ATP2C1: variants seen among roughly 807,000 people sequenced by gnomAD.
The protein encoded by ATP2C1 is calcium-transporting ATPase type 2C member 1.
Under a neutral mutation model 120.5 loss-of-function variants are expected in ATP2C1, and 31 were observed. That is an observed-to-expected ratio of 0.26 (90% CI 0.19 to 0.35). ATP2C1 has a LOEUF of 0.35. ATP2C1 is among the 10% of genes least tolerant of loss of function. ATP2C1 has a pLI of 1.00. For missense variants in ATP2C1, 731 were observed against 1,107.5 expected (o/e 0.66, Z 4.83); for synonymous variants, 351 against 358.7 (o/e 0.98, Z 0.24).
intron 1 of ATP2C1, among the ~76,000 whole-genome samples, chr3:130,859,386 C>A (rs552112215): frequency 2.0e-5 from 3 of 152,306 alleles, no homozygotes; most frequent in African/African-American, 7.2e-5. Context: ...CTTTTCTAAG[C>A]CTAATCGACC....
At chr3:130,895,801 G>A (rs565394609) in intron 2 of ATP2C1, among the ~76,000 whole-genome samples, 1 of 152,292 alleles carries the variant, frequency 6.6e-6, no homozygotes, top group East Asian at 1.9e-4. Context: ...GCAGTAATGT[G>A]TTTTGCTCTC....
intron 20 of ATP2C1, among the ~76,000 whole-genome samples, chr3:130,984,994 A>ATT: frequency 6.6e-6 from 1 of 152,322 alleles, no homozygotes; most frequent in East Asian, 1.9e-4. Flanking sequence ...GAAATGCATA[A>ATT]ACACCTATCA....
chr3:130,985,028 C>T (rs904976063), intron 20 of ATP2C1, among the ~76,000 whole-genome samples: 1 of 151,986 alleles, frequency 6.6e-6, no homozygotes, highest in African/African-American at 2.4e-5. Flanking sequence ...TTGTGTGCAC[C>T]CCACTTTATA....
At position 130,871,904 on chromosome 3, in the gene ATP2C1, C is replaced by T. The variant is rs141512727; in HGVS notation, c.108+20976C>T. Among the ~76,000 whole-genome samples the T allele has an allele frequency of 7.7e-3, 1,170 of 152,042 alleles. 25 individuals are homozygous for T. Among genetic ancestry groups the T allele is most frequent in the African/African-American group, 0.026 (1,079 of 41,450 alleles). ...AGGCGTGCTGGCGCGTGCCTATAACCCCTGTTACTCTGGAGGCTGGGGCTG... is the reference window on the plus strand; with the variant it reads ...AGGCGTGCTGGCGCGTGCCTATAACTCCTGTTACTCTGGAGGCTGGGGCTG... On this transcript the variant is annotated intron_variant, in intron 1 of 26. Transcript: ENST00000504381.
chr3:130,889,809 C>T (rs751961540), upstream of ATP2C1, among the ~76,000 whole-genome samples: 2 of 151,966 alleles, frequency 1.3e-5, no homozygotes, highest in Non-Finnish European at 2.9e-5. Flanking sequence ...CTGCACCCAG[C>T]TAATGCTTTT....
rs2069369744 is a variant in ATP2C1, at chr3:130,894,233, C to T, written c.-285C>T. 1 of 985,406 alleles carries T rather than the reference C, an allele frequency of 1.0e-6. No individual in the cohort carries two copies. The highest frequency in any genetic ancestry group is 6.1e-5 in the Admixed American group (1 of 16,334). 61.0% of individuals were successfully genotyped at this position (985,406 alleles called of 1,614,324 possible). On this transcript the variant is annotated 5_prime_UTR_variant, in exon 1 of 28. Coordinates refer to ENST00000510168, the MANE Select transcript of ATP2C1 (RefSeq NM_001378687.1). This position sits in a 1 kb window ranked among gnomAD's most constrained non-coding sequence, Gnocchi z 4.5. ...CCGGGAGCAGGCTCCCGCCTCGCAC[C>T]GCTGCCCCGCGAGCAGCTCCTCTTC... is the stretch of plus-strand genomic sequence containing the variant.
chr3:130,962,680 A>C (rs1312519947), intron 12 of ATP2C1, among the ~76,000 whole-genome samples: 1 of 148,302 alleles, frequency 6.7e-6, no homozygotes, highest in Non-Finnish European at 1.5e-5. Context: ...TCTAGATTGT[A>C]AGTGATAATG....
rs1433402355 is a variant in ATP2C1, at chr3:131,001,473, ATTAATG to A, written c.*128_*133del. On this transcript the variant is annotated 3_prime_UTR_variant, in exon 28 of 28. Coordinates refer to ENST00000510168, the MANE Select transcript of ATP2C1 (RefSeq NM_001378687.1). The stretch of plus-strand genomic sequence containing the variant: ...AACTATTCATTGACTAAAAATGAAC[ATTAATG>A]TTAAAGACTTAAGACTTTAACCTGC... 4.2e-6 allele frequency: 6 copies of A among 1,426,324 alleles called. No individual in the cohort carries two copies. The African/African-American group carries it at 5.8e-5, about 14-fold the overall frequency. The allele number at this position is 1,426,324 out of a possible 1,614,324, so 88.4% of individuals were successfully genotyped here. A position where few individuals can be genotyped will look rare whatever the true frequency, so the allele number is the denominator to read the frequency against.
rs879497495 is a variant in ATP2C1 at position 130,912,259 on chromosome 3, A to C, written c.6+17484A>C. Reference sequence around the variant, plus strand: ...AAGACAAAATTGACAAATGGGATCTAATTAAACTAAAGAGCTTCTGCACAG... The same window carrying C: ...AAGACAAAATTGACAAATGGGATCTCATTAAACTAAAGAGCTTCTGCACAG... On this transcript the variant is annotated intron_variant, in intron 2 of 27. Transcript: ENST00000510168. Among the ~76,000 whole-genome samples, 1,063 of 142,926 alleles carry C rather than the reference A, an allele frequency of 7.4e-3. 7 individuals are homozygous for C. Among genetic ancestry groups the C allele is most frequent in the Non-Finnish European group, 0.011 (749 of 65,284 alleles). The allele number at this position is 142,926 out of a possible 152,430, so 93.8% of individuals were successfully genotyped here.
At chr3:130,967,476 G>A (rs1271064789) in intron 16 of ATP2C1, 57 bp downstream of exon 16, 23 of 1,402,344 alleles carry the variant, frequency 1.6e-5, no homozygotes, top group Non-Finnish European at 2.0e-5. Flanking sequence ...ACAACAGAAT[G>A]CAGTGTCATC....
At chr3:130,955,133 T>C in intron 10 of ATP2C1, 53 bp downstream of exon 10, 3 of 1,194,984 alleles carry the variant, frequency 2.5e-6, no homozygotes, top group East Asian at 4.7e-5. Flanking sequence ...AAATTCTTCA[T>C]TGTAAGTAGA....
chr3:130,930,159 C>T (rs997970676), intron 2 of ATP2C1: 33 of 455,946 alleles, frequency 7.2e-5, no homozygotes, highest in Non-Finnish European at 8.5e-5. Context: ...GGAGAAATAG[C>T]GTGCTTTTCA....
chr3:130,920,074 T>A (rs920481115), intron 2 of ATP2C1, among the ~76,000 whole-genome samples: 1 of 152,194 alleles, frequency 6.6e-6, no homozygotes, highest in Admixed American at 6.5e-5. Context: ...TGGAGTTCTT[T>A]ATATATTTGG....
chr3:131,003,284 T>A, downstream of ATP2C1: 1 of 528,998 alleles, frequency 1.9e-6, no homozygotes, highest in Non-Finnish European at 2.4e-6. Context: ...AAGTTGAATG[T>A]ACAGTACAGA....
chr3:130,996,033 T>C lies in ATP2C1; in HGVS notation c.2058-10T>C, dbSNP rs764716800. The stretch of plus-strand genomic sequence containing the variant: ...ATTTTCTCACTTCATCTTTATTTTT[T>C]AAATTTCAGGTCTGCAATCGAAGAG... On this transcript the variant is annotated splice_polypyrimidine_tract_variant and intron_variant, in intron 22 of 27. Transcript: ENST00000510168. 26 of 1,527,722 alleles carry C rather than the reference T, an allele frequency of 1.7e-5. No individual in the cohort carries two copies. The highest frequency in any genetic ancestry group is 5.6e-5 in the South Asian group (5 of 89,328). The allele number at this position is 1,527,722 out of a possible 1,614,324, so 94.6% of individuals were successfully genotyped here.
At chr3:130,931,293 G>C (rs2059439009) in intron 3 of ATP2C1, among the ~76,000 whole-genome samples, 1 of 151,990 alleles carries the variant, frequency 6.6e-6, no homozygotes, top group Admixed American at 6.6e-5. Context: ...TTAATAGTTA[G>C]AATACTAAAT....
At chr3:130,901,112 A>G (rs914787483) in intron 2 of ATP2C1, among the ~76,000 whole-genome samples, 1 of 152,146 alleles carries the variant, frequency 6.6e-6, no homozygotes. Flanking sequence ...AAATGCCAGA[A>G]ATAGCATGCA....
chr3:130,943,592 A>G (rs1576818940), intron 8 of ATP2C1, among the ~76,000 whole-genome samples: 1 of 152,202 alleles, frequency 6.6e-6, no homozygotes, highest in South Asian at 2.1e-4. Flanking sequence ...TTTTCCCCCT[A>G]CTTGTTAACT....
intron 1 of ATP2C1, among the ~76,000 whole-genome samples, chr3:130,870,110 G>A (rs965694254): frequency 1.3e-5 from 2 of 152,088 alleles, no homozygotes; most frequent in African/African-American, 4.8e-5. Context: ...AGAGCCTGTA[G>A]GACAGCAGAT....
Sources: gnomAD v4.1 joint callset for allele counts (sites outside exome capture counted in the v4.1 genomes callset) on GRCh38, gnomAD v4.1.1 for gene constraint, Gnocchi (gnomAD v3.1) non-coding constraint, MANE v1.5 for transcripts, NCBI Gene and HGNC (gene_info 2026-07-23, HGNC 2026-07-21) for gene names.